Variants in HDAC9 observed in about 807,000 individuals in gnomAD.
HDAC9 encodes MEF-2 interacting transcription repressor (MITR) protein.
HDAC9 carries 41 observed loss-of-function variants against 139.4 expected under a neutral mutation model. The observed-to-expected ratio is 0.29, with a 90% CI of 0.23 to 0.38. The LOEUF (loss-of-function observed/expected upper bound fraction) is 0.38, where lower values mean the gene tolerates loss of function less well. Among genes scored for constraint, HDAC9 ranks in the 10% least tolerant of loss-of-function variants. The pLI is 1.00. For missense variants in HDAC9, 1,147 were observed against 1,297.0 expected, an observed-to-expected ratio of 0.88 and a Z score of 1.78; for synonymous variants, 517 against 476.2, an observed-to-expected ratio of 1.09 and a Z score of -1.12.
chr7:18,864,307 A>T (rs1798327251), intron 21 of HDAC9, among the ~76,000 whole-genome samples: 1 of 152,208 alleles, frequency 6.6e-6, no homozygotes, highest in African/African-American at 2.4e-5. Flanking sequence ...TTTCACTTAC[A>T]TGAGGTATCT....
At chr7:18,809,686 C>T (rs920035158) in intron 17 of HDAC9, among the ~76,000 whole-genome samples, 1 of 151,898 alleles carries the variant, frequency 6.6e-6, no homozygotes, top group Admixed American at 6.6e-5. Flanking sequence ...TACCTCACAC[C>T]TGTTGGGATG....
At chr7:18,137,302 C>A (rs909785835) in intron 1 of HDAC9, among the ~76,000 whole-genome samples, 37 of 146,006 alleles carry the variant, frequency 2.5e-4, no homozygotes, top group African/African-American at 8.3e-4. Flanking sequence ...TTATTTCCTT[C>A]TCCTGCCTAA....
At chr7:18,627,892 C>T (rs1188430754) in intron 6 of HDAC9, among the ~76,000 whole-genome samples, 1 of 152,042 alleles carries the variant, frequency 6.6e-6, no homozygotes, top group African/African-American at 2.4e-5. Context: ...ATCTGAACTT[C>T]ATTTTTAAGT....
intron 25 of HDAC9, among the ~76,000 whole-genome samples, chr7:18,990,585 G>A (rs979532001): frequency 1.3e-5 from 2 of 152,242 alleles, no homozygotes; most frequent in African/African-American, 2.4e-5. Context: ...CCCAGTTTGA[G>A]CTTCCAGGCT....
At chr7:18,708,411 A>G (rs1281777501) in intron 12 of HDAC9, among the ~76,000 whole-genome samples, 1 of 152,184 alleles carries the variant, frequency 6.6e-6, no homozygotes, top group Non-Finnish European at 1.5e-5. Flanking sequence ...GGCTTTCTCT[A>G]ACTGTCACAT....
At chr7:18,221,445 C>T (rs980249489) in intron 2 of HDAC9, among the ~76,000 whole-genome samples, 4 of 152,088 alleles carry the variant, frequency 2.6e-5, no homozygotes, top group Admixed American at 1.3e-4. Context: ...GGCTACAGAC[C>T]TGCTGGAAAG....
chr7:18,807,649 A>G (rs1336636172), intron 17 of HDAC9, among the ~76,000 whole-genome samples: 1 of 151,836 alleles, frequency 6.6e-6, no homozygotes, highest in Non-Finnish European at 1.5e-5. Flanking sequence ...ATTTAGATTA[A>G]TTTTTTATTT....
chr7:18,356,358 GTT>G lies in HDAC9; in HGVS notation c.-42+65869_-42+65870del, dbSNP rs5882659. On this transcript the variant is annotated intron_variant, in intron 1 of 3. Transcript: ENST00000413509. ...GTAGCCTCTAGAGGGCAGCACATAG[GTT>G]TTTTTTTTTTTTTTTTTTTTTTTTT... Among the ~76,000 whole-genome samples the G allele has an allele frequency of 5.4e-3, 299 of 55,156 alleles. 1 individual carries two copies. The highest frequency in any genetic ancestry group is 0.035 in the East Asian group (61 of 1,728). 36.2% of individuals were successfully genotyped at this position (55,156 alleles called of 152,430 possible).
intron 21 of HDAC9, among the ~76,000 whole-genome samples, chr7:18,869,575 A>G (rs1249547886): frequency 6.6e-6 from 1 of 152,104 alleles, no homozygotes; most frequent in Non-Finnish European, 1.5e-5. Flanking sequence ...ATAGCAGTGC[A>G]AGAACAGACT....
intron 2 of HDAC9, chr7:18,509,302 G>T (rs1430089548): frequency 3.0e-6 from 3 of 985,420 alleles, no homozygotes; most frequent in African/African-American, 1.7e-5. Flanking sequence ...TGTGGAAGGG[G>T]TGGGGAAGCC....
chr7:18,273,068 T>G (rs1426383736), intron 2 of HDAC9, among the ~76,000 whole-genome samples: 37 of 124,606 alleles, frequency 3.0e-4, no homozygotes, highest in African/African-American at 1.2e-3. Context: ...TTTTTTTTTT[T>G]TTTTTTTTTT....
chr7:18,743,745 A>T (rs1787669794), intron 13 of HDAC9, among the ~76,000 whole-genome samples: 1 of 152,078 alleles, frequency 6.6e-6, no homozygotes. Flanking sequence ...TTAAAAAAAT[A>T]AGACACCGTA....
chr7:18,753,199 A>C (rs1178168), intron 14 of HDAC9, among the ~76,000 whole-genome samples: 1 of 152,154 alleles, frequency 6.6e-6, no homozygotes, highest in African/African-American at 2.4e-5. Context: ...ATAAATACAC[A>C]ATTACAAATT....
intron 2 of HDAC9, among the ~76,000 whole-genome samples, chr7:18,274,471 C>T (rs1318054511): frequency 6.6e-6 from 1 of 152,076 alleles, no homozygotes; most frequent in African/African-American, 2.4e-5. Flanking sequence ...ACTCACTCAC[C>T]CCCAAGAGAA....
intron 1 of HDAC9, chr7:18,430,546 C>G (rs1429312209): frequency 2.0e-5 from 3 of 152,006 alleles, no homozygotes; most frequent in Non-Finnish European, 4.4e-5. Context: ...TTATAATTAT[C>G]TACACACATA....
chr7:18,315,206 A>G (rs1468651454), intron 1 of HDAC9, among the ~76,000 whole-genome samples: 2 of 152,178 alleles, frequency 1.3e-5, no homozygotes, highest in Admixed American at 6.5e-5. Flanking sequence ...TCTGTTTCCT[A>G]TACCTTATTG....
chr7:18,954,890 A>C (rs180707944), intron 24 of HDAC9, among the ~76,000 whole-genome samples: 1 of 152,230 alleles, frequency 6.6e-6, no homozygotes, highest in African/African-American at 2.4e-5. Flanking sequence ...AGTGCCACTT[A>C]AGAAGCCACT....
At chr7:18,980,715 C>CTCTTCTTCTTCCT (rs750333967) in intron 25 of HDAC9, among the ~76,000 whole-genome samples, 35,015 of 130,314 alleles carry the variant, frequency 0.27, 6,705 homozygotes, top group Non-Finnish European at 0.33. Context: ...TTCCTTCTTC[C>CTCTTCTTCTTCCT]TCTTCTTCTT....
chr7:18,419,255 A>G (rs1037568141), intron 1 of HDAC9, among the ~76,000 whole-genome samples: 1 of 152,226 alleles, frequency 6.6e-6, no homozygotes, highest in African/African-American at 2.4e-5. Flanking sequence ...TGCCTTTTTA[A>G]CTATGATATT....
Sources: gnomAD v4.1 joint callset for allele counts (sites outside exome capture counted in the v4.1 genomes callset) on GRCh38, gnomAD v4.1.1 for gene constraint, MANE v1.5 for transcripts, NCBI Gene and HGNC (gene_info 2026-07-23, HGNC 2026-07-21) for gene names.